Variants in LRFN5 observed in about 807,000 individuals in gnomAD.
The protein encoded by LRFN5 is leucine rich repeat and fibronectin type III domain containing 5.
A neutral mutation model predicts 45.6 loss-of-function variants in LRFN5; 24 were observed. The observed-to-expected ratio is 0.53, with a 90% CI of 0.38 to 0.74. LRFN5 has a LOEUF of 0.74. Ranked by LOEUF, LRFN5 falls within the 30% of genes least tolerant of loss-of-function variation. The pLI is 0.00. For synonymous variants in LRFN5, 340 were observed against 313.8 expected (o/e 1.08, Z -0.88); for missense variants, 776 against 861.5 (o/e 0.90, Z 1.24).
chr14:41,664,645 A>G (rs1350964134), intron 1 of LRFN5, among the ~76,000 whole-genome samples: 1 of 152,012 alleles, frequency 6.6e-6, no homozygotes, highest in Non-Finnish European at 1.5e-5. Context: ...CCATGCAATT[A>G]AGTGAGAACC....
In LRFN5 at chr14:41,887,726, A is replaced by G. The variant is rs1187058733; in HGVS notation, c.1101A>G (p.Thr367=). The change falls in exon 3 of 6, where the codon ACA becomes ACG. Residue 367 remains threonine, a synonymous_variant. Coordinates refer to ENST00000298119, the MANE Select transcript of LRFN5 (RefSeq NM_152447.5). The surrounding 1 kb of genome is among the most constrained non-coding windows in gnomAD (Gnocchi z 4.8). ...CIASNPAGEA[T]QIVDLHIIKL... The stretch of plus-strand genomic sequence containing the variant: ...CTTCCAATCCTGCTGGGGAAGCAAC[A>G]CAAATAGTGGATCTTCATATAATTA... The G allele has an allele frequency of 1.9e-6, 3 of 1,614,086 alleles. No individual in the cohort carries two copies. In the South Asian group the frequency reaches 3.3e-5, roughly 18 times the overall value.
At chr14:41,806,216 ATTAACC>A (rs1339603171) in intron 2 of LRFN5, among the ~76,000 whole-genome samples, 1 of 152,186 alleles carries the variant, frequency 6.6e-6, no homozygotes, top group Non-Finnish European at 1.5e-5. Context: ...AATCTTTAAC[ATTAACC>A]TTGCTAAATT....
At chr14:41,792,473 C>T (rs1315416131) in intron 2 of LRFN5, among the ~76,000 whole-genome samples, 1 of 152,010 alleles carries the variant, frequency 6.6e-6, no homozygotes, top group Admixed American at 6.6e-5. Context: ...CAGTCCTTAT[C>T]TCAACCACAT....
chr14:41,667,705 G>A (rs1880969577), intron 1 of LRFN5, among the ~76,000 whole-genome samples: 1 of 149,892 alleles, frequency 6.7e-6, no homozygotes, highest in Non-Finnish European at 1.5e-5. Context: ...TCTTTGATTA[G>A]CCAGTATCTG....
At chr14:41,811,947 T>C (rs1887751330) in intron 2 of LRFN5, among the ~76,000 whole-genome samples, 1 of 152,162 alleles carries the variant, frequency 6.6e-6, no homozygotes, top group African/African-American at 2.4e-5. Flanking sequence ...TTTCAATAAA[T>C]CTATTTAAAA....
chr14:41,630,096 A>G (rs1021311763), intron 1 of LRFN5, among the ~76,000 whole-genome samples: 5 of 152,178 alleles, frequency 3.3e-5, no homozygotes, highest in African/African-American at 4.8e-5. Flanking sequence ...GTGTAAAGGC[A>G]TTAATGATGT....
chr14:41,651,442 A>G (rs1303911533), intron 1 of LRFN5, among the ~76,000 whole-genome samples: 1 of 152,180 alleles, frequency 6.6e-6, no homozygotes, highest in Non-Finnish European at 1.5e-5. Context: ...ATTTTGATGT[A>G]CACTTACAGA....
chr14:41,884,785 A>T lies in LRFN5; in HGVS notation c.-20-1821A>T, dbSNP rs184042617. ...CTCAGATGTTTCTCATAGACAAGGA[A>T]TGAATCTCCGGATTGGCCACTCCTG... On this transcript the variant is annotated intron_variant, in intron 2 of 5. Transcript: ENST00000298119. Among the ~76,000 whole-genome samples, 4 of 152,286 alleles carry T rather than the reference A, an allele frequency of 2.6e-5. No homozygotes were observed. The East Asian group carries it at 7.7e-4, about 29-fold the overall frequency.
chr14:41,874,568 T>C (rs1477215112), intron 2 of LRFN5, among the ~76,000 whole-genome samples: 1 of 152,164 alleles, frequency 6.6e-6, no homozygotes, highest in Non-Finnish European at 1.5e-5. Context: ...TTGGGTCCTT[T>C]CTCCTCTTCC....
intron 2 of LRFN5, among the ~76,000 whole-genome samples, chr14:41,841,202 AT>A (rs1423693150): frequency 6.6e-6 from 1 of 151,942 alleles, no homozygotes; most frequent in Non-Finnish European, 1.5e-5. Context: ...CATTTTAATA[AT>A]TTTTACAGGC....
intron 1 of LRFN5, among the ~76,000 whole-genome samples, chr14:41,611,110 G>A (rs938918913): frequency 6.6e-6 from 1 of 152,050 alleles, no homozygotes; most frequent in Non-Finnish European, 1.5e-5. Context: ...TTGTTCTTCC[G>A]CCCTCAGCCT....
At chr14:41,773,669 C>A (rs1265254182) in intron 2 of LRFN5, among the ~76,000 whole-genome samples, 2 of 152,082 alleles carry the variant, frequency 1.3e-5, no homozygotes, top group African/African-American at 4.8e-5. Context: ...TAAGGCAGTA[C>A]ACTGCAGAAA....
At chr14:41,726,295 A>G (rs1463937560) in intron 1 of LRFN5, among the ~76,000 whole-genome samples, 1 of 152,066 alleles carries the variant, frequency 6.6e-6, no homozygotes, top group Non-Finnish European at 1.5e-5. Context: ...TGCCTTTCCT[A>G]TAAACTGCGT....
chr14:41,738,619 T>C (rs1566645447), intron 1 of LRFN5, among the ~76,000 whole-genome samples: 1 of 152,194 alleles, frequency 6.6e-6, no homozygotes, highest in Non-Finnish European at 1.5e-5. Flanking sequence ...GCCTGCAAGC[T>C]TTCTGCTGAA....
At chr14:41,610,738 ATAAATT>A (rs1887727317) in intron 1 of LRFN5, among the ~76,000 whole-genome samples, 1 of 147,214 alleles carries the variant, frequency 6.8e-6, no homozygotes, top group Non-Finnish European at 1.5e-5. Flanking sequence ...ATAATTGGGA[ATAAATT>A]TAAAAAAGGA....
chr14:41,842,074 A>T (rs1007799618), intron 2 of LRFN5, among the ~76,000 whole-genome samples: 1 of 151,980 alleles, frequency 6.6e-6, no homozygotes, highest in African/African-American at 2.4e-5. Context: ...ATATGGTGGG[A>T]CTAATTATAC....
At chr14:41,852,721 G>T (rs1037488321) in intron 2 of LRFN5, among the ~76,000 whole-genome samples, 1 of 151,784 alleles carries the variant, frequency 6.6e-6, no homozygotes, top group Non-Finnish European at 1.5e-5. Flanking sequence ...AGCTCACAGG[G>T]CTTCAAAAAC....
intron 2 of LRFN5, among the ~76,000 whole-genome samples, chr14:41,872,819 G>C (rs563719252): frequency 1.3e-5 from 2 of 152,242 alleles, no homozygotes; most frequent in African/African-American, 4.8e-5. Context: ...TCTAAAGAAG[G>C]GACAAGTGGA....
chr14:41,773,501 C>CT (rs1441703103), intron 2 of LRFN5, among the ~76,000 whole-genome samples: 1 of 152,070 alleles, frequency 6.6e-6, no homozygotes, highest in Non-Finnish European at 1.5e-5. Flanking sequence ...ATTAAAATGC[C>CT]TTTTTTATTA....
Sources: gnomAD v4.1 joint callset for allele counts (sites outside exome capture counted in the v4.1 genomes callset) on GRCh38, gnomAD v4.1.1 for gene constraint, Gnocchi (gnomAD v3.1) non-coding constraint, MANE v1.5 for transcripts, NCBI Gene and HGNC (gene_info 2026-07-23, HGNC 2026-07-21) for gene names.